Variants in PTPRN2 observed in about 807,000 individuals in gnomAD.
PTPRN2 encodes the protein receptor-type tyrosine-protein phosphatase N2.
In PTPRN2, 74 loss-of-function variants were observed where a neutral mutation model predicts 118.8. The observed-to-expected ratio is 0.62, with a 90% CI of 0.52 to 0.76. The LOEUF (loss-of-function observed/expected upper bound fraction) is 0.76, where lower values mean the gene tolerates loss of function less well. PTPRN2 is among the 30% of genes least tolerant of loss of function. The pLI, the probability that PTPRN2 is intolerant of heterozygous loss-of-function variation, is 0.00. For synonymous variants in PTPRN2, 641 were observed against 608.0 expected (o/e 1.05, Z -0.80); for missense variants, 1,481 against 1,394.4 (o/e 1.06, Z -0.99).
intron 12 of PTPRN2, chr7:157,740,482 C>T (rs1353781610): frequency 5.3e-5 from 8 of 152,348 alleles, no homozygotes; most frequent in African/African-American, 1.7e-4. Flanking sequence ...CCTCCGTCCA[C>T]GGCAACGCGG....
At chr7:158,341,662 C>T in intron 2 of PTPRN2, among the ~76,000 whole-genome samples, 1 of 114,222 alleles carries the variant, frequency 8.8e-6, no homozygotes, top group Admixed American at 8.4e-5. Flanking sequence ...CACACCCACA[C>T]TCTCACCATA....
chr7:158,052,274 G>T (rs915034646), intron 11 of PTPRN2, among the ~76,000 whole-genome samples: 1 of 152,188 alleles, frequency 6.6e-6, no homozygotes, highest in South Asian at 2.1e-4. Flanking sequence ...CTATTCATTT[G>T]TTGATTGGTT....
chr7:158,080,340 A>G (rs11761118), intron 11 of PTPRN2, among the ~76,000 whole-genome samples: 64,361 of 123,516 alleles, frequency 0.52, 19,257 homozygotes, highest in East Asian at 0.84. Flanking sequence ...AAAAAAAAAA[A>G]ACAAGTTCAT....
At chr7:157,995,161 TCAA>T (rs1804618684) in intron 11 of PTPRN2, among the ~76,000 whole-genome samples, 2 of 149,304 alleles carry the variant, frequency 1.3e-5, no homozygotes, top group South Asian at 4.4e-4. Context: ...TGTTCCTAAA[TCAA>T]CGCCACGTCC....
chr7:158,178,781 T>A (rs189528436), intron 5 of PTPRN2, among the ~76,000 whole-genome samples: 7 of 151,984 alleles, frequency 4.6e-5, no homozygotes, highest in African/African-American at 1.7e-4. Context: ...GTATTTTTAG[T>A]AGAGACGAGG....
chr7:158,194,942 G>A (rs1235207946), intron 4 of PTPRN2, among the ~76,000 whole-genome samples: 1 of 152,214 alleles, frequency 6.6e-6, no homozygotes, highest in African/African-American at 2.4e-5. Context: ...TGACAGCTAT[G>A]TTATCAACCT....
intron 10 of PTPRN2, among the ~76,000 whole-genome samples, chr7:158,092,237 T>A (rs1462589774): frequency 6.6e-6 from 1 of 150,456 alleles, no homozygotes; most frequent in Non-Finnish European, 1.5e-5. Flanking sequence ...TATGTATATA[T>A]ATGCATACAT....
chr7:157,725,641 A>G (rs1458178548), intron 12 of PTPRN2, among the ~76,000 whole-genome samples: 2 of 131,772 alleles, frequency 1.5e-5, no homozygotes, highest in Admixed American at 8.0e-5. Flanking sequence ...CTCGCCTCCC[A>G]GGAGAACTGG....
chr7:157,739,932 C>T (rs935007919), intron 12 of PTPRN2, among the ~76,000 whole-genome samples: 1 of 152,258 alleles, frequency 6.6e-6, no homozygotes, highest in African/African-American at 2.4e-5. Context: ...TGACCTCTTC[C>T]TCTTCCAGAA....
intron 14 of PTPRN2, among the ~76,000 whole-genome samples, chr7:157,651,760 T>C (rs1290197593): frequency 6.6e-6 from 1 of 152,260 alleles, no homozygotes; most frequent in East Asian, 1.9e-4. Context: ...GCCGCTTTGA[T>C]AACCGTCCTG....
chr7:158,289,925 C>T (rs1233600762), intron 3 of PTPRN2, among the ~76,000 whole-genome samples: 5 of 152,182 alleles, frequency 3.3e-5, no homozygotes, highest in African/African-American at 1.2e-4. Flanking sequence ...GGTCCAATGC[C>T]TGGGTTAGCA....
intron 2 of PTPRN2, among the ~76,000 whole-genome samples, chr7:158,340,476 C>A (rs1402120687): frequency 1.7e-5 from 2 of 114,870 alleles, no homozygotes; most frequent in Non-Finnish European, 3.8e-5. Flanking sequence ...CATCCACACT[C>A]TCACCATAAT....
chr7:157,682,153 C>T (rs1045959039), intron 13 of PTPRN2, among the ~76,000 whole-genome samples: 4 of 152,178 alleles, frequency 2.6e-5, no homozygotes, highest in South Asian at 2.1e-4. Flanking sequence ...TTGCCTTCCT[C>T]GCATCCTCCC....
At chr7:158,515,554 C>A (rs924582951) in intron 1 of PTPRN2, among the ~76,000 whole-genome samples, 2 of 152,174 alleles carry the variant, frequency 1.3e-5, no homozygotes, top group Non-Finnish European at 2.9e-5. Context: ...AGTTTCCCTT[C>A]TCACTCAATT....
At chr7:158,415,234 G>A (rs1257678354) in intron 2 of PTPRN2, among the ~76,000 whole-genome samples, 2 of 152,180 alleles carry the variant, frequency 1.3e-5, no homozygotes, top group Non-Finnish European at 2.9e-5. Context: ...CCCAGCGACA[G>A]TATTGGTGAA....
intron 2 of PTPRN2, among the ~76,000 whole-genome samples, chr7:158,336,364 C>A (rs1423958558): frequency 2.6e-4 from 38 of 144,564 alleles, no homozygotes; most frequent in Non-Finnish European, 4.5e-4. Flanking sequence ...ACACTCTCAC[C>A]ATAAGAGCTG....
Position 157,893,021 on chromosome 7 carries a change from G to A in PTPRN2, c.1788+5652C>T, listed in dbSNP as rs937270313. Among the ~76,000 whole-genome samples the A allele has an allele frequency of 1.3e-5, 2 of 152,220 alleles. No homozygotes were observed. The highest frequency in any genetic ancestry group is 4.8e-5 in the African/African-American group (2 of 41,460). ...ACGATGTCCGTGGGGTCAAGAGCTC[G>A]AGAAGAACCATCTTTTGAAATGTAA... On this transcript the variant is annotated intron_variant, in intron 12 of 22. Transcript: ENST00000389418. The surrounding 1 kb of genome is among the most constrained non-coding windows in gnomAD (Gnocchi z 4.0).
At chr7:157,655,912 C>T (rs576710831) in intron 14 of PTPRN2, among the ~76,000 whole-genome samples, 34 of 152,002 alleles carry the variant, frequency 2.2e-4, no homozygotes, top group Non-Finnish European at 4.4e-4. Flanking sequence ...GAGCACCCAG[C>T]CCACACCTCC....
intron 3 of PTPRN2, among the ~76,000 whole-genome samples, chr7:158,224,137 G>A (rs566654687): frequency 6.6e-6 from 1 of 152,310 alleles, no homozygotes; most frequent in South Asian, 2.1e-4. Flanking sequence ...GACATACCAT[G>A]TTGGTAGATC....
Sources: gnomAD v4.1 joint callset for allele counts (sites outside exome capture counted in the v4.1 genomes callset) on GRCh38, gnomAD v4.1.1 for gene constraint, Gnocchi (gnomAD v3.1) non-coding constraint, MANE v1.5 for transcripts, NCBI Gene and HGNC (gene_info 2026-07-23, HGNC 2026-07-21) for gene names.